The following NBAS variants were observed in gnomAD, a reference collection of about 807,000 sequenced individuals.
NBAS encodes NBAS subunit of NRZ tethering complex.
In NBAS, 219 loss-of-function variants were observed where a neutral mutation model predicts 302.5. The observed-to-expected ratio is 0.72, with a 90% CI of 0.65 to 0.81. The LOEUF (loss-of-function observed/expected upper bound fraction) is 0.81, where lower values mean the gene tolerates loss of function less well. NBAS is among the 30% of genes least tolerant of loss of function. The probability of loss-of-function intolerance (pLI) is 0.00; values close to 1 mark genes in which losing one functional copy is unlikely to be tolerated. For synonymous variants in NBAS, 1,118 were observed against 1,021.6 expected, an observed-to-expected ratio of 1.09 and a Z score of -1.80; for missense variants, 2,932 against 2,841.6, an observed-to-expected ratio of 1.03 and a Z score of -0.72.
chr2:15,472,006 T>C (rs1415510718), intron 16 of NBAS, among the ~76,000 whole-genome samples: 2 of 152,192 alleles, frequency 1.3e-5, no homozygotes, highest in Non-Finnish European at 2.9e-5. Context: ...ACCTTAACTA[T>C]GGGAGGCAGG....
At chr2:15,022,283 A>G in the NBAS span, among the ~76,000 whole-genome samples, 1 of 152,196 alleles carries the variant, frequency 6.6e-6, no homozygotes, top group Non-Finnish European at 1.5e-5. Context: ...GGCTTAACAA[A>G]TATTAAGTTG....
rs564585254 is a variant in NBAS at position 15,485,545 on chromosome 2, A to G, written c.1083+3349T>C. ...TCAGAGAGGTATAAAATCAAATCTC[A>G]GCTCTATTGCTTACTTGTTGCACAA... On this transcript the variant is annotated intron_variant, in intron 12 of 51. Transcript: ENST00000281513. Among the ~76,000 whole-genome samples, 8 of 152,380 alleles carry G rather than the reference A, an allele frequency of 5.3e-5. No individual in the cohort carries two copies. The South Asian group carries it at 1.2e-3, about 24-fold the overall frequency.
intron 28 of NBAS, among the ~76,000 whole-genome samples, chr2:15,392,435 T>C (rs1298619392): frequency 6.6e-6 from 1 of 151,724 alleles, no homozygotes; most frequent in Non-Finnish European, 1.5e-5. Context: ...GTAGAGGACA[T>C]AAGACCAATA....
intron 12 of NBAS, among the ~76,000 whole-genome samples, chr2:15,486,266 C>T (rs1318360621): frequency 6.6e-6 from 1 of 152,162 alleles, no homozygotes; most frequent in Non-Finnish European, 1.5e-5. Context: ...TCTATTTTTC[C>T]AGTTTACTCA....
rs777864312 is a variant in NBAS at position 15,424,378 on chromosome 2, C to T, written c.2514G>A (p.Thr838=). ...GATACCAGTCCATAACCTTCTCCACCGTAAGCTGGGTCATCCTGAACCTTA... is the reference window on the plus strand; with the variant it reads ...GATACCAGTCCATAACCTTCTCCACTGTAAGCTGGGTCATCCTGAACCTTA... ...ELLRFRMTQL[T]VEKVMDWYQT... is the part of the protein sequence containing the mutation. Residue 838 remains threonine (T), a synonymous_variant, in exon 23 of 52, where the codon ACG becomes ACA. Transcript: ENST00000281513. 50 of 1,613,962 alleles carry T rather than the reference C, an allele frequency of 3.1e-5. No homozygotes were observed. In the South Asian group the frequency reaches 3.7e-4, roughly 12 times the overall value.
the NBAS span, among the ~76,000 whole-genome samples, chr2:15,157,736 G>A: frequency 6.6e-6 from 1 of 152,180 alleles, no homozygotes; most frequent in African/African-American, 2.4e-5. Context: ...TGGGAGCAGG[G>A]AGAACTGAGG....
chr2:15,397,526 T>C, intron 26 of NBAS: 1 of 596,666 alleles, frequency 1.7e-6, no homozygotes, highest in South Asian at 1.5e-5. Flanking sequence ...ATGATATCAA[T>C]TCCTGACTAT....
the NBAS span, among the ~76,000 whole-genome samples, chr2:14,914,427 G>A: frequency 6.6e-6 from 1 of 152,202 alleles, no homozygotes; most frequent in African/African-American, 2.4e-5. Flanking sequence ...GAGAATGGGT[G>A]TCCTCTGGCT....
At chr2:14,921,210 C>T in the NBAS span, among the ~76,000 whole-genome samples, 1 of 151,912 alleles carries the variant, frequency 6.6e-6, no homozygotes, top group African/African-American at 2.4e-5. Flanking sequence ...GGGAGAATGG[C>T]CAATACATGG....
the NBAS span, among the ~76,000 whole-genome samples, chr2:15,063,066 T>C: frequency 6.6e-6 from 1 of 152,250 alleles, no homozygotes; most frequent in South Asian, 2.1e-4. Context: ...CAAACTTCCC[T>C]GTCTAACCCA....
intron 48 of NBAS, among the ~76,000 whole-genome samples, chr2:15,201,306 C>G (rs908469124): frequency 5.3e-5 from 8 of 152,210 alleles, no homozygotes; most frequent in Admixed American, 1.3e-4. Context: ...TCAGCTTCAA[C>G]AGATATACAG....
At chr2:15,069,487 C>T in the NBAS span, among the ~76,000 whole-genome samples, 3 of 151,958 alleles carry the variant, frequency 2.0e-5, no homozygotes, top group Non-Finnish European at 4.4e-5. Flanking sequence ...CTCTATCCTT[C>T]AGATCACTGA....
intron 12 of NBAS, among the ~76,000 whole-genome samples, chr2:15,480,492 A>C (rs1680384406): frequency 6.6e-6 from 1 of 152,152 alleles, no homozygotes; most frequent in South Asian, 2.1e-4. Context: ...AGAGAGGTAT[A>C]GATAAAAGGT....
At chr2:15,340,912 C>T (rs528932013) in intron 35 of NBAS, among the ~76,000 whole-genome samples, 1 of 152,068 alleles carries the variant, frequency 6.6e-6, no homozygotes, top group African/African-American at 2.4e-5. Context: ...GAGGCACAAG[C>T]TGTTCTGGTA....
Position 15,275,752 on chromosome 2 carries a change from G to C in NBAS, c.5456C>G (p.Ser1819Ter). 6.2e-7 allele frequency: 1 copy of C among 1,614,120 alleles called. No individual in the cohort carries two copies. The highest frequency in any genetic ancestry group is 8.5e-7 in the Non-Finnish European group (1 of 1,180,014). ...SPLEALEPVL[S>*]SQNILSISKL... ...GGAAATAGACAAGATATTTTGACTT[G>C]AAAGAACTGGCTCCAATGCTTCAAG... Residue 1819 changes from serine (S) to a stop codon, truncating the protein, a stop_gained, in exon 44 of 52, where the codon TCA becomes TGA. Coordinates refer to ENST00000281513, the MANE Select transcript of NBAS (RefSeq NM_015909.4). LOFTEE classifies it high-confidence loss of function.
chr2:14,870,801 G>A, the NBAS span, among the ~76,000 whole-genome samples: 5 of 151,988 alleles, frequency 3.3e-5, no homozygotes, highest in Admixed American at 3.3e-4. Flanking sequence ...ACCCATGGAA[G>A]CAACCCAAAA....
intron 42 of NBAS, among the ~76,000 whole-genome samples, chr2:15,283,581 C>T (rs991812952): frequency 4.6e-5 from 7 of 152,188 alleles, no homozygotes; most frequent in Non-Finnish European, 1.0e-4. Flanking sequence ...CTGAGGCCTT[C>T]CCAGCCACGT....
At chr2:15,413,432 T>C (rs1237487091) in intron 25 of NBAS, among the ~76,000 whole-genome samples, 1 of 152,098 alleles carries the variant, frequency 6.6e-6, no homozygotes, top group African/African-American at 2.4e-5. Flanking sequence ...AGAGCTATAA[T>C]AGAGACAGAG....
At chr2:15,467,885 AT>A in intron 17 of NBAS, 81 bp from the exon 18 acceptor site, 1 of 1,217,182 alleles carries the variant, frequency 8.2e-7, no homozygotes, top group Non-Finnish European at 1.2e-6. Flanking sequence ...ATTTTGACTG[AT>A]TTCATTATTG....
Sources: gnomAD v4.1 joint callset for allele counts (sites outside exome capture counted in the v4.1 genomes callset) on GRCh38, gnomAD v4.1.1 for gene constraint, MANE v1.5 for transcripts, NCBI Gene and HGNC (gene_info 2026-07-23, HGNC 2026-07-21) for gene names.